The following SELENOS variants were observed in gnomAD, a reference collection of about 807,000 sequenced individuals.
SELENOS encodes the protein selenoprotein S.
In SELENOS, 37 loss-of-function variants were observed where a neutral mutation model predicts 30.2. The ratio of observed to expected loss-of-function variants is 1.23; its 90% CI spans 0.94 to 1.61. SELENOS has a LOEUF of 1.61. Among genes scored for constraint, SELENOS ranks in the 40% most tolerant of loss-of-function variants. SELENOS has a pLI of 0.00. For synonymous variants in SELENOS, 119 were observed against 91.6 expected (o/e 1.30, Z -1.71); for missense variants, 289 against 231.8 (o/e 1.25, Z -1.60).
Position 101,274,873 on chromosome 15 carries a change from A to G in SELENOS, c.319-192T>C, listed in dbSNP as rs529998909. 2.8e-3 allele frequency: 1,826 copies of G among 641,348 alleles called. 4 individuals are homozygous for G. The highest frequency in any genetic ancestry group is 3.9e-3 in the Non-Finnish European group (1,482 of 383,102). 39.7% of individuals were successfully genotyped at this position (641,348 alleles called of 1,614,324 possible). ...CATAGAGCAGCTTTGGTTTTTGTACACTATTAAAGAAAGCAAAATGTTTCA... is the reference window on the plus strand; with the variant it reads ...CATAGAGCAGCTTTGGTTTTTGTACGCTATTAAAGAAAGCAAAATGTTTCA... On this transcript the variant is annotated intron_variant, in intron 3 of 5. Transcript: ENST00000526049.
In SELENOS at chr15:101,274,375, G is replaced by A. The variant is rs376731979; in HGVS notation, c.484+45C>T. 9.0e-6 allele frequency: 14 copies of A among 1,555,030 alleles called. No individual in the cohort carries two copies. The Admixed American group carries it at 2.0e-4, about 23-fold the overall frequency. On this transcript the variant is annotated intron_variant, in intron 5 of 5. Transcript: ENST00000526049. ...TGTTCCTAAAAGGTAACTATATCCT[G>A]TAAGTGTTGAAAATCTGTTAACATT...
chr15:101,272,591 G>A lies in SELENOS; in HGVS notation c.*180C>T, dbSNP rs1473168391. 1.7e-6 allele frequency: 1 copy of A among 579,228 alleles called. No individual in the cohort carries two copies. Among genetic ancestry groups the A allele is most frequent in the African/African-American group, 1.9e-5 (1 of 53,398 alleles). The allele number at this position is 579,228 out of a possible 1,614,324, so 35.9% of individuals were successfully genotyped here. ...AGTAGAATGTGACCAATGACCTCAT[G>A]CCTAGAGGCAACATCTATACCTTTT... is the stretch of plus-strand genomic sequence containing the variant. On this transcript the variant is annotated 3_prime_UTR_variant, in exon 6 of 6. Transcript: ENST00000526049.
chr15:101,270,876 A>C (rs970575535), downstream of SELENOS: 2 of 152,058 alleles, frequency 1.3e-5, no homozygotes, highest in African/African-American at 4.8e-5. Context: ...ATTATCTCCT[A>C]ATCATTCTCC....
At position 101,274,793 on chromosome 15, in the gene SELENOS, C is replaced by T. The variant is rs543291962; in HGVS notation, c.319-112G>A. 100 of 1,133,740 alleles carry T rather than the reference C, an allele frequency of 8.8e-5. No homozygotes were observed. In the South Asian group the frequency reaches 1.3e-3, roughly 15 times the overall value. 70.2% of individuals were successfully genotyped at this position (1,133,740 alleles called of 1,614,324 possible). ...AATGTCTTTCAGAACAAACTTCACC[C>T]TCGTTTTCTTTAGTTAATAAAACTG... is the stretch of plus-strand genomic sequence containing the variant. On this transcript the variant is annotated intron_variant, in intron 3 of 5. Transcript: ENST00000526049.
Position 101,274,416 on chromosome 15 carries a change from T to C in SELENOS, c.484+4A>G. 6.2e-7 allele frequency: 1 copy of C among 1,605,354 alleles called. No individual in the cohort carries two copies. The highest frequency in any genetic ancestry group is 8.5e-7 in the Non-Finnish European group (1 of 1,175,518). ...TGTTAACATTTGACATCAGTGGTGC[T>C]TACCTCCTCCCCGCAAAGGCTTTCT... is the stretch of plus-strand genomic sequence containing the variant. On this transcript the variant is annotated splice_donor_region_variant and intron_variant, in intron 5 of 5. Transcript: ENST00000526049.
At chr15:101,274,731 C>A in intron 3 of SELENOS, 50 bp from the exon 4 acceptor site, 1 of 1,539,940 alleles carries the variant, frequency 6.5e-7, no homozygotes, top group South Asian at 1.2e-5. Context: ...TGCCATTTCT[C>A]TCAAAGACAA....
At chr15:101,276,428 TA>T in intron 2 of SELENOS, 112 bp downstream of exon 2, 32 of 1,289,838 alleles carry the variant, frequency 2.5e-5, no homozygotes, top group East Asian at 8.7e-5. Flanking sequence ...TTTTTTTTTT[TA>T]AATAGAGACA....
rs751562043 is a variant in SELENOS, at chr15:101,272,802, C to G, written c.539G>C (p.Arg180Pro). Reference protein sequence around the residue: ...GGGACSWRPGRRGPSSGGUG With the variant: ...GGGACSWRPGPRGPSSGGUG Reference sequence around the variant, plus strand: ...TCATCCGCCAGATGACGGGCCTCTGCGTCCAGGTCTCCAGGAGCAAGCTCC... The same window carrying G: ...TCATCCGCCAGATGACGGGCCTCTGGGTCCAGGTCTCCAGGAGCAAGCTCC... The change falls in exon 6 of 6, where the codon CGC (arginine) becomes CCC (proline). Residue 180 changes from arginine (R) to proline (P), a missense_variant. By Grantham distance (103) the Arg-to-Pro change is moderately radical. Transcript: ENST00000526049. The G allele has an allele frequency of 6.2e-7, 1 of 1,610,370 alleles. No homozygotes were observed. The highest frequency in any genetic ancestry group is 8.5e-7 in the Non-Finnish European group (1 of 1,178,430).
intron 3 of SELENOS, 32 bp from the exon 4 acceptor site, chr15:101,274,713 T>A (rs1171658624): frequency 6.3e-7 from 1 of 1,582,642 alleles, no homozygotes. Context: ...CAGAAAGAAT[T>A]CAGAAGCTGC....
chr15:101,277,119 T>C (rs963664410), intron 1 of SELENOS: 83 of 811,606 alleles, frequency 1.0e-4, no homozygotes, highest in Non-Finnish European at 1.5e-4. Flanking sequence ...CAAAAAAGAC[T>C]TGCGCAAACA....
At chr15:101,276,777 T>TGAAGGC in intron 1 of SELENOS, 102 bp from the exon 2 acceptor site, 1 of 1,425,344 alleles carries the variant, frequency 7.0e-7, no homozygotes, top group South Asian at 1.4e-5. Context: ...CCTCAAAGCC[T>TGAAGGC]TCATGGTCTA....
rs1335212904 is a variant in SELENOS at position 101,277,430 on chromosome 15, C to A, written c.-13G>T. The A allele has an allele frequency of 1.4e-6, 2 of 1,463,354 alleles. No homozygotes were observed. The highest frequency in any genetic ancestry group is 2.6e-5 in the South Asian group (2 of 75,646). The allele number at this position is 1,463,354 out of a possible 1,614,324, so 90.6% of individuals were successfully genotyped here. A position where few individuals can be genotyped will look rare whatever the true frequency, so the allele number is the denominator to read the frequency against. ...CTTGGCGTTCCATGACCGCCGCCGC[C>A]GCCGCCGCCCAGCCCTGCCGCCGCG... On this transcript the variant is annotated 5_prime_UTR_variant, in exon 1 of 6. Coordinates refer to ENST00000526049, the MANE Select transcript of SELENOS (RefSeq NM_018445.6).
chr15:101,274,947 C>T, intron 3 of SELENOS: 1 of 578,660 alleles, frequency 1.7e-6, no homozygotes, highest in South Asian at 2.2e-5. Context: ...CCTGTCAGGA[C>T]ATTTTTGGTA....
chr15:101,277,149 A>G (rs1567120553), intron 1 of SELENOS, 193 bp downstream of exon 1: 2 of 953,392 alleles, frequency 2.1e-6, no homozygotes, highest in Non-Finnish European at 3.2e-6. Flanking sequence ...CGAGCCGCCC[A>G]GGGAAGTGCG....
At position 101,275,776 on chromosome 15, in the gene SELENOS, G is replaced by A. The variant is rs138360638; in HGVS notation, c.212-415C>T. 4.0e-3 allele frequency among the ~76,000 whole-genome samples: 611 copies of A among 152,118 alleles called. 5 individuals are homozygous for A. Among genetic ancestry groups the A allele is most frequent in the African/African-American group, 0.012 (508 of 41,480 alleles). ...AATCATTATCCATCCCTTAATTAGC[G>A]CAGAAGATTCTTAAGTATTTGTTTC... On this transcript the variant is annotated intron_variant, in intron 2 of 5. Coordinates refer to ENST00000526049, the MANE Select transcript of SELENOS (RefSeq NM_018445.6).
At position 101,275,277 on chromosome 15, in the gene SELENOS, T is replaced by C. The variant is rs1419191854; in HGVS notation, c.296A>G (p.Lys99Arg). 3.2e-6 allele frequency: 5 copies of C among 1,565,800 alleles called. No homozygotes were observed. In the South Asian group the frequency reaches 4.8e-5, roughly 15 times the overall value. Residue 99 changes from lysine to arginine, a missense_variant, in exon 3 of 6, where the codon AAG (lysine) becomes AGG (arginine). Transcript: ENST00000526049. ...TACTTGTTTCAGTTTTTCCTTATGCTTTTCAACTTGCGCATTTAGTTCTTC... is the reference window on the plus strand; with the variant it reads ...TACTTGTTTCAGTTTTTCCTTATGCCTTTCAACTTGCGCATTTAGTTCTTC... ...MQEELNAQVE[K>R]HKEKLKQLEE...
chr15:101,274,739 C>G, intron 3 of SELENOS, 58 bp from the exon 4 acceptor site: 1 of 1,486,870 alleles, frequency 6.7e-7, no homozygotes, highest in Non-Finnish European at 9.1e-7. Context: ...CTCTCAAAGA[C>G]AAAGCTAACT....
intron 1 of SELENOS, 81 bp from the exon 2 acceptor site, chr15:101,276,756 G>C (rs2039332818): frequency 5.3e-6 from 8 of 1,512,780 alleles, no homozygotes; most frequent in Non-Finnish European, 7.1e-6. Context: ...AACACAAAGT[G>C]TAACTCCTGC....
At chr15:101,274,339 A>G in intron 5 of SELENOS, 81 bp downstream of exon 5, 6 of 1,464,564 alleles carry the variant, frequency 4.1e-6, no homozygotes, top group Non-Finnish European at 5.6e-6. Context: ...GGACAAAGAA[A>G]CAAACAATCT....
Sources: allele counts gnomAD v4.1 joint callset (sites outside exome capture counted in the v4.1 genomes callset), GRCh38; gene constraint gnomAD v4.1.1; transcripts MANE v1.5; gene names NCBI Gene and HGNC (gene_info 2026-07-23, HGNC 2026-07-21).